Variants in BMPR1B observed in about 807,000 individuals in gnomAD.
BMPR1B encodes the protein bone morphogenetic protein receptor type 1B.
Under a neutral mutation model 59.1 loss-of-function variants are expected in BMPR1B, and 12 were observed. That is an observed-to-expected ratio of 0.20 (90% CI 0.13 to 0.33). BMPR1B has a LOEUF of 0.33. BMPR1B is among the 10% of genes least tolerant of loss of function. The pLI is 1.00. For missense variants in BMPR1B, 550 were observed against 610.9 expected (o/e 0.90, Z 1.05); for synonymous variants, 237 against 207.3 (o/e 1.14, Z -1.23).
chr4:94,813,986 G>T (rs926935864), intron 1 of BMPR1B, among the ~76,000 whole-genome samples: 29 of 152,186 alleles, frequency 1.9e-4, no homozygotes, highest in Admixed American at 1.9e-3. Flanking sequence ...ATGCCTATGA[G>T]ATATGCAGGT....
At chr4:94,906,835 TA>T (rs1728060909) in intron 2 of BMPR1B, among the ~76,000 whole-genome samples, 1 of 152,034 alleles carries the variant, frequency 6.6e-6, no homozygotes, top group African/African-American at 2.4e-5. Context: ...GCTTATAGTT[TA>T]AAAACAGTTC....
chr4:94,980,664 C>T (rs1578877169), intron 2 of BMPR1B, among the ~76,000 whole-genome samples: 1 of 152,202 alleles, frequency 6.6e-6, no homozygotes, highest in South Asian at 2.1e-4. Context: ...AGTTATTTCC[C>T]GCCTTGCACC....
chr4:94,825,714 A>T (rs1309094494), intron 1 of BMPR1B, among the ~76,000 whole-genome samples: 3 of 152,188 alleles, frequency 2.0e-5, no homozygotes, highest in Non-Finnish European at 4.4e-5. Context: ...GTACTATTGT[A>T]ATGGGTAAAT....
intron 1 of BMPR1B, among the ~76,000 whole-genome samples, chr4:94,832,171 C>T (rs988992307): frequency 2.0e-5 from 3 of 152,150 alleles, no homozygotes; most frequent in African/African-American, 7.2e-5. Flanking sequence ...GAAACTGGTC[C>T]CTAGTGCCAA....
intron 1 of BMPR1B, among the ~76,000 whole-genome samples, chr4:94,868,468 G>T (rs1022429431): frequency 6.6e-6 from 1 of 152,212 alleles, no homozygotes; most frequent in Non-Finnish European, 1.5e-5. Flanking sequence ...TGTTACAGAG[G>T]TATTACGTGT....
chr4:95,091,191 GA>G (rs1729951746), intron 3 of BMPR1B, among the ~76,000 whole-genome samples: 1 of 151,898 alleles, frequency 6.6e-6, no homozygotes, highest in Non-Finnish European at 1.5e-5. Context: ...TAACCATCTG[GA>G]AATGTTACAT....
chr4:94,959,893 A>C (rs1203594609), intron 2 of BMPR1B, among the ~76,000 whole-genome samples: 1 of 152,170 alleles, frequency 6.6e-6, no homozygotes, highest in Non-Finnish European at 1.5e-5. Flanking sequence ...TAAAAGGTCA[A>C]TGTGAGAGGC....
chr4:95,065,485 C>T (rs1486017488), intron 3 of BMPR1B, among the ~76,000 whole-genome samples: 3 of 151,916 alleles, frequency 2.0e-5, no homozygotes, highest in East Asian at 1.9e-4. Context: ...TATTCATAGG[C>T]GTGATAATCA....
intron 2 of BMPR1B, among the ~76,000 whole-genome samples, chr4:94,914,062 A>G (rs1728387764): frequency 6.6e-6 from 1 of 152,162 alleles, no homozygotes; most frequent in Non-Finnish European, 1.5e-5. Context: ...AAATGCTTTG[A>G]GCACCTATAG....
chr4:94,942,246 C>A (rs907369168), intron 2 of BMPR1B, among the ~76,000 whole-genome samples: 1 of 152,158 alleles, frequency 6.6e-6, no homozygotes, highest in Non-Finnish European at 1.5e-5. Context: ...AGACAGAATT[C>A]TCTCAAATTT....
intron 2 of BMPR1B, among the ~76,000 whole-genome samples, chr4:94,976,473 A>G (rs1731037239): frequency 6.6e-6 from 1 of 152,176 alleles, no homozygotes. Context: ...TCCTCTAACC[A>G]CAACCACTTA....
chr4:95,145,866 C>T (rs928839088), intron 10 of BMPR1B, among the ~76,000 whole-genome samples: 1 of 152,220 alleles, frequency 6.6e-6, no homozygotes, highest in Admixed American at 6.5e-5. Flanking sequence ...CAACAAAATT[C>T]TATTTATCCT....
chr4:94,815,027 C>T (rs560478552), intron 1 of BMPR1B, among the ~76,000 whole-genome samples: 1 of 152,214 alleles, frequency 6.6e-6, no homozygotes, highest in South Asian at 2.1e-4. Flanking sequence ...CCTCAGGCTT[C>T]TGAGTAGCTG....
At chr4:94,788,966 T>A (rs1021042055) in intron 1 of BMPR1B, among the ~76,000 whole-genome samples, 1 of 152,174 alleles carries the variant, frequency 6.6e-6, no homozygotes, top group Admixed American at 6.5e-5. Flanking sequence ...CAGCCTCCCC[T>A]GAGGTGATGA....
intron 2 of BMPR1B, among the ~76,000 whole-genome samples, chr4:94,948,806 TATCTCTGC>T (rs556426845): frequency 1.2e-3 from 183 of 152,094 alleles, no homozygotes; most frequent in African/African-American, 4.2e-3. Flanking sequence ...GCTAAATCAC[TATCTCTGC>T]CTGGCTTTGC....
At chr4:94,893,513 T>A (rs1316568412) in intron 2 of BMPR1B, among the ~76,000 whole-genome samples, 1 of 152,026 alleles carries the variant, frequency 6.6e-6, no homozygotes, top group Non-Finnish European at 1.5e-5. Context: ...TTTTTAAAAA[T>A]TTCACAAATT....
At chr4:94,797,236 A>G (rs1040773945) in intron 1 of BMPR1B, among the ~76,000 whole-genome samples, 4 of 152,240 alleles carry the variant, frequency 2.6e-5, no homozygotes, top group Non-Finnish European at 5.9e-5. Flanking sequence ...CCATGATTCA[A>G]TTACCTCTCC....
At chr4:95,061,839 G>T (rs181087655) in intron 3 of BMPR1B, among the ~76,000 whole-genome samples, 13 of 152,142 alleles carry the variant, frequency 8.5e-5, no homozygotes. Context: ...ATGATGAATT[G>T]TAATTCCCAA....
chr4:95,043,713 T>C (rs1325711697), intron 3 of BMPR1B, among the ~76,000 whole-genome samples: 1 of 152,142 alleles, frequency 6.6e-6, no homozygotes, highest in Non-Finnish European at 1.5e-5. Context: ...GTATGGAGTG[T>C]TGCAATATTT....
Sources: allele counts gnomAD v4.1 joint callset (sites outside exome capture counted in the v4.1 genomes callset), GRCh38; gene constraint gnomAD v4.1.1; transcripts MANE v1.5; gene names NCBI Gene and HGNC (gene_info 2026-07-23, HGNC 2026-07-21).